Variants in THADA observed in about 807,000 individuals in gnomAD.
THADA encodes the protein tRNA (32-2'-O)-methyltransferase regulator THADA.
A neutral mutation model predicts 219.8 loss-of-function variants in THADA; 213 were observed. That is an observed-to-expected ratio of 0.97 (90% CI 0.87 to 1.09). The LOEUF (loss-of-function observed/expected upper bound fraction) is 1.09. THADA is among the 50% of genes least tolerant of loss of function. THADA has a pLI of 0.00. For missense variants in THADA, 2,956 were observed against 2,311.3 expected, an observed-to-expected ratio of 1.28 and a Z score of -5.72; for synonymous variants, 1,018 against 828.9, an observed-to-expected ratio of 1.23 and a Z score of -3.92.
chr2:43,496,557 G>A lies in THADA; in HGVS notation c.3744+2276C>T, dbSNP rs151314750. Reference sequence around the variant, plus strand: ...ATCCAAAATACAGACACATTTATACGCTCAGAGTTGTTTTGTTTCCAGATC... The same window carrying A: ...ATCCAAAATACAGACACATTTATACACTCAGAGTTGTTTTGTTTCCAGATC... On this transcript the variant is annotated intron_variant, in intron 25 of 37. Coordinates refer to ENST00000405975, the MANE Select transcript of THADA (RefSeq NM_022065.5). Among the ~76,000 whole-genome samples the A allele has an allele frequency of 4.6e-5, 7 of 151,990 alleles. 1 individual carries two copies. The South Asian group carries it at 6.2e-4, about 14-fold the overall frequency.
intron 37 of THADA, 33 bp downstream of exon 37, chr2:43,232,680 C>T (rs1364155809): frequency 6.2e-7 from 1 of 1,610,392 alleles, no homozygotes; most frequent in Non-Finnish European, 8.5e-7. Context: ...CACTCCAACC[C>T]TGCCTCCTAC....
intron 25 of THADA, among the ~76,000 whole-genome samples, chr2:43,488,905 C>G (rs1302338006): frequency 6.6e-6 from 1 of 152,150 alleles, no homozygotes; most frequent in East Asian, 1.9e-4. Flanking sequence ...TGTAGCATTT[C>G]CCTCATGACT....
intron 2 of THADA, 53 bp downstream of exon 2, chr2:43,592,264 C>T (rs933666300): frequency 1.4e-4 from 185 of 1,360,722 alleles, no homozygotes; most frequent in Admixed American, 2.4e-4. Context: ...CATTAAAATA[C>T]TCTGCTTGCA....
intron 29 of THADA, among the ~76,000 whole-genome samples, chr2:43,393,639 C>A (rs1673677892): frequency 1.3e-5 from 2 of 150,704 alleles, no homozygotes; most frequent in Admixed American, 6.6e-5. Context: ...ACCCAGAAGG[C>A]AGAGGTTGCA....
At chr2:43,447,628 C>G (rs965115419) in intron 26 of THADA, among the ~76,000 whole-genome samples, 3 of 152,112 alleles carry the variant, frequency 2.0e-5, no homozygotes, top group African/African-American at 4.8e-5. Context: ...CTGTCATATC[C>G]AAGCAAATCA....
At chr2:43,456,896 C>T (rs1311262959) in intron 26 of THADA, among the ~76,000 whole-genome samples, 1 of 152,058 alleles carries the variant, frequency 6.6e-6, no homozygotes, top group Non-Finnish European at 1.5e-5. Flanking sequence ...ACTTACAATG[C>T]AAATAGCTTT....
At chr2:43,584,507 C>T (rs1700803468) in intron 7 of THADA, among the ~76,000 whole-genome samples, 1 of 152,162 alleles carries the variant, frequency 6.6e-6, no homozygotes, top group Admixed American at 6.5e-5. Context: ...AAAAAGGCTA[C>T]CCTGAGTGAA....
intron 7 of THADA, among the ~76,000 whole-genome samples, chr2:43,584,751 C>T (rs1427978254): frequency 6.6e-6 from 1 of 152,098 alleles, no homozygotes. Flanking sequence ...TTTGTAGTCC[C>T]AAATGGCTCA....
chr2:43,426,478 G>T lies in THADA; in HGVS notation c.4058+1622C>A, dbSNP rs186260682. Among the ~76,000 whole-genome samples, 78 of 152,236 alleles carry T rather than the reference G, an allele frequency of 5.1e-4. 1 individual carries two copies. The East Asian group carries it at 7.3e-3, about 14-fold the overall frequency. On this transcript the variant is annotated intron_variant, in intron 28 of 37. Transcript: ENST00000405975. The stretch of plus-strand genomic sequence containing the variant: ...TAGTTCTTTCCACTTATTCATGAAA[G>T]AACAATTTTTAAGGCCCCTGAAAGT...
intron 8 of THADA, 66 bp from the exon 9 acceptor site, chr2:43,578,673 A>C: frequency 8.3e-7 from 1 of 1,211,404 alleles, no homozygotes; most frequent in East Asian, 2.5e-5. Flanking sequence ...TGGAAAGAGC[A>C]GATGCTGAGC....
At chr2:43,308,879 A>T (rs1677182721) in intron 31 of THADA, among the ~76,000 whole-genome samples, 1 of 152,004 alleles carries the variant, frequency 6.6e-6, no homozygotes, top group Non-Finnish European at 1.5e-5. Context: ...CTTTAGAAGA[A>T]GTTTTGAGGG....
Position 43,590,724 on chromosome 2 carries a change from C to T in THADA, c.302+100G>A, listed in dbSNP as rs111491380. 3,486 of 1,206,642 alleles carry T rather than the reference C, an allele frequency of 2.9e-3. 55 individuals carry two copies. The African/African-American group carries it at 0.042, about 14-fold the overall frequency. The allele number at this position is 1,206,642 out of a possible 1,614,324, so 74.7% of individuals were successfully genotyped here. ...ACCATATGAATGAACTTTTTGTGAT[C>T]TGTATCAGTTCAGTTTTATCAAACC... On this transcript the variant is annotated intron_variant, in intron 4 of 37. Transcript: ENST00000405975.
intron 7 of THADA, among the ~76,000 whole-genome samples, chr2:43,582,184 A>G (rs1013989089): frequency 6.6e-6 from 1 of 152,180 alleles, no homozygotes; most frequent in Non-Finnish European, 1.5e-5. Flanking sequence ...TAGGGCAAAG[A>G]TAAGAAATCA....
chr2:43,537,486 T>C (rs1198550189), intron 21 of THADA, among the ~76,000 whole-genome samples: 1 of 152,228 alleles, frequency 6.6e-6, no homozygotes, highest in African/African-American at 2.4e-5. Flanking sequence ...AATGAAATTA[T>C]TTGTAATTTC....
intron 30 of THADA, chr2:43,343,325 C>G (rs1433816740): frequency 6.6e-6 from 1 of 152,218 alleles, no homozygotes; most frequent in African/African-American, 2.4e-5. Flanking sequence ...CATGAACCAC[C>G]ACACCCGGCC....
At chr2:43,469,057 AC>A (rs1158968245) in intron 26 of THADA, among the ~76,000 whole-genome samples, 1 of 152,164 alleles carries the variant, frequency 6.6e-6, no homozygotes, top group Non-Finnish European at 1.5e-5. Flanking sequence ...TGAGCCCCGG[AC>A]CCTGTCCTCA....
Position 43,322,674 on chromosome 2 carries a change from CTTTTTTTTTTTT to C in THADA, c.4344-2146_4344-2135del, listed in dbSNP as rs34557514. Among the ~76,000 whole-genome samples, 48 of 54,826 alleles carry C rather than the reference CTTTTTTTTTTTT, an allele frequency of 8.8e-4. 2 individuals carry two copies. In the South Asian group the frequency reaches 0.033, roughly 38 times the overall value. The allele number at this position is 54,826 out of a possible 152,430, so 36.0% of individuals were successfully genotyped here. A position where few individuals can be genotyped will look rare whatever the true frequency, so the allele number is the denominator to read the frequency against. ...CATATCCTTCCAAGCACATTCTATTCTTTTTTTTTTTTTTTTTTTTTTTTTTTTTGAGACGGA... is the reference window on the plus strand; with the variant it reads ...CATATCCTTCCAAGCACATTCTATTCTTTTTTTTTTTTTTTTTGAGACGGA... On this transcript the variant is annotated intron_variant, in intron 30 of 37. Transcript: ENST00000405975.
In THADA at chr2:43,485,267, T is replaced by C; in HGVS notation, c.3803A>G (p.Lys1268Arg). Residue 1268 changes from lysine to arginine, a missense_variant, in exon 26 of 38, where the codon AAA becomes AGA. Coordinates refer to ENST00000405975, the MANE Select transcript of THADA (RefSeq NM_022065.5). ...TTTGGAATGTTCATCCTTTGCCCTTTTAACTCCAAAAATTCTTGTGATCAA... is the reference window on the plus strand; with the variant it reads ...TTTGGAATGTTCATCCTTTGCCCTTCTAACTCCAAAAATTCTTGTGATCAA... ...SALITRIFGVKRAKDEHSKTN... is the reference protein window; with the variant it reads ...SALITRIFGVRRAKDEHSKTN... 6.2e-7 allele frequency: 1 copy of C among 1,613,212 alleles called. No individual in the cohort carries two copies. Among genetic ancestry groups the C allele is most frequent in the East Asian group, 2.2e-5 (1 of 44,798 alleles).
intron 30 of THADA, among the ~76,000 whole-genome samples, chr2:43,334,620 A>C (rs1666178051): frequency 6.6e-6 from 1 of 152,108 alleles, no homozygotes; most frequent in Non-Finnish European, 1.5e-5. Context: ...CACTGGTCCC[A>C]AAAAATTAGC....
Sources: gnomAD v4.1 joint callset for allele counts (sites outside exome capture counted in the v4.1 genomes callset) on GRCh38, gnomAD v4.1.1 for gene constraint, MANE v1.5 for transcripts, NCBI Gene and HGNC (gene_info 2026-07-23, HGNC 2026-07-21) for gene names.